The following ENTPD1 variants were observed in gnomAD, a reference collection of about 807,000 sequenced individuals.
ENTPD1 encodes the protein ATP diphosphohydrolase.
A neutral mutation model predicts 57.0 loss-of-function variants in ENTPD1; 33 were observed. That is an observed-to-expected ratio of 0.58 (90% CI 0.44 to 0.77). The LOEUF (loss-of-function observed/expected upper bound fraction) is 0.77, where lower values mean the gene tolerates loss of function less well. Ranked by LOEUF, ENTPD1 falls within the 30% of genes least tolerant of loss-of-function variation. The pLI is 0.00. For missense variants in ENTPD1, 501 were observed against 603.4 expected, an observed-to-expected ratio of 0.83 and a Z score of 1.78; for synonymous variants, 202 against 218.8, an observed-to-expected ratio of 0.92 and a Z score of 0.68.
chr10:95,754,560 A>G (rs978400673), upstream of ENTPD1: 1 of 152,186 alleles, frequency 6.6e-6, no homozygotes, highest in African/African-American at 2.4e-5. Context: ...ATTTCTCTCC[A>G]AAACAATAGT....
intron 1 of ENTPD1, among the ~76,000 whole-genome samples, chr10:95,712,634 C>T (rs1365268359): frequency 3.3e-5 from 5 of 152,112 alleles, no homozygotes; most frequent in Non-Finnish European, 7.4e-5. Context: ...AAATTCTAAT[C>T]CCAGGAGGGC....
chr10:95,706,391 A>G, the ENTPD1 span, among the ~76,000 whole-genome samples: 2 of 152,182 alleles, frequency 1.3e-5, no homozygotes, highest in Non-Finnish European at 2.9e-5. Context: ...GTGTTAGAAC[A>G]GCTCAGAGGA....
chr10:95,866,764 C>T lies in ENTPD1; in HGVS notation c.*381C>T. The T allele has an allele frequency of 8.8e-7, 1 of 1,131,080 alleles. No individual in the cohort carries two copies. Among genetic ancestry groups the T allele is most frequent in the Non-Finnish European group, 1.1e-6 (1 of 915,406 alleles). The allele number at this position is 1,131,080 out of a possible 1,614,324, so 70.1% of individuals were successfully genotyped here. A position where few individuals can be genotyped will look rare whatever the true frequency, so the allele number is the denominator to read the frequency against. ...AGGCTGAGCTGGCTGAAAGAAGAAT[C>T]TCAGGAACTGGTTCAGTTGTACTCT... is the stretch of plus-strand genomic sequence containing the variant. On this transcript the variant is annotated 3_prime_UTR_variant, in exon 10 of 10. Coordinates refer to ENST00000371205, the MANE Select transcript of ENTPD1 (RefSeq NM_001776.6).
intron 7 of ENTPD1, among the ~76,000 whole-genome samples, chr10:95,855,261 C>T (rs1361223525): frequency 6.6e-6 from 1 of 151,762 alleles, no homozygotes; most frequent in Non-Finnish European, 1.5e-5. Context: ...GATTGCAACC[C>T]CTGCCTTTTT....
At chr10:95,798,520 G>A (rs758783507) in intron 1 of ENTPD1, among the ~76,000 whole-genome samples, 1 of 152,084 alleles carries the variant, frequency 6.6e-6, no homozygotes, top group Non-Finnish European at 1.5e-5. Flanking sequence ...GTGGAGGGTA[G>A]GCCTAATATT....
In ENTPD1 at chr10:95,812,557, A is replaced by G. The variant is rs530995866; in HGVS notation, c.17-10680A>G. ...AAAGCAGTTGGAAATATCTAGGTAC[A>G]TGTCTTTGTGTGGACATAGGTCTTT... On this transcript the variant is annotated intron_variant, in intron 1 of 9. Coordinates refer to ENST00000371205, the MANE Select transcript of ENTPD1 (RefSeq NM_001776.6). Among the ~76,000 whole-genome samples the G allele has an allele frequency of 3.3e-5, 5 of 152,358 alleles. No homozygotes were observed. The East Asian group carries it at 9.6e-4, about 29-fold the overall frequency.
chr10:95,753,278 T>C (rs2098015042), upstream of ENTPD1: 1 of 152,242 alleles, frequency 6.6e-6, no homozygotes, highest in Admixed American at 6.5e-5. Flanking sequence ...CTCCCATCTC[T>C]TTTATAATTA....
chr10:95,785,491 A>C (rs2098175842), intron 1 of ENTPD1, among the ~76,000 whole-genome samples: 2 of 152,200 alleles, frequency 1.3e-5, no homozygotes, highest in South Asian at 4.1e-4. Flanking sequence ...TGTTGGAACA[A>C]TCTGTTGTGG....
At position 95,873,482 on chromosome 10, in the gene ENTPD1, A is replaced by G. The variant is rs1036260160; in HGVS notation, c.*7099A>G. 7 of 985,376 alleles carry G rather than the reference A, an allele frequency of 7.1e-6. No homozygotes were observed. The African/African-American group carries it at 1.0e-4, about 15-fold the overall frequency. The allele number at this position is 985,376 out of a possible 1,614,324, so 61.0% of individuals were successfully genotyped here. A position where few individuals can be genotyped will look rare whatever the true frequency, so the allele number is the denominator to read the frequency against. On this transcript the variant is annotated 3_prime_UTR_variant, in exon 10 of 10. Coordinates refer to ENST00000371205, the MANE Select transcript of ENTPD1 (RefSeq NM_001776.6). Reference sequence around the variant, plus strand: ...TTCCAGCTCTCTTGCCCTGGTCTTCAGTGTATTAGATGTATTACCTCCATG... The same window carrying G: ...TTCCAGCTCTCTTGCCCTGGTCTTCGGTGTATTAGATGTATTACCTCCATG...
At chr10:95,763,078 GTATT>G (rs1053457898) in intron 1 of ENTPD1, among the ~76,000 whole-genome samples, 82 of 151,798 alleles carry the variant, frequency 5.4e-4, no homozygotes, top group African/African-American at 1.9e-3. Context: ...TAGTTTTTCT[GTATT>G]TATTTATTTA....
intron 1 of ENTPD1, among the ~76,000 whole-genome samples, chr10:95,739,692 G>C (rs2097998269): frequency 6.6e-6 from 1 of 152,106 alleles, no homozygotes; most frequent in African/African-American, 2.4e-5. Flanking sequence ...CCAAATTCCT[G>C]TTAATGTTGA....
intron 7 of ENTPD1, among the ~76,000 whole-genome samples, chr10:95,856,465 C>T (rs1039076114): frequency 6.6e-6 from 1 of 152,080 alleles, no homozygotes; most frequent in Admixed American, 6.6e-5. Flanking sequence ...AGTAGAACTA[C>T]TGTTTGATCC....
At chr10:95,781,355 G>C (rs2098157152) in intron 1 of ENTPD1, among the ~76,000 whole-genome samples, 1 of 151,688 alleles carries the variant, frequency 6.6e-6, no homozygotes, top group Admixed American at 6.6e-5. Context: ...AGCGCAACAG[G>C]GTGCTATCAA....
intron 1 of ENTPD1, among the ~76,000 whole-genome samples, chr10:95,759,584 G>A: frequency 6.6e-6 from 1 of 152,186 alleles, no homozygotes; most frequent in East Asian, 1.9e-4. Context: ...GTACGCTATG[G>A]TTTTTTCCAG....
Position 95,842,350 on chromosome 10 carries a change from G to A in ENTPD1, c.269G>A (p.Gly90Glu), listed in dbSNP as rs1474947641. ...CTTCTACATTTTTTCCTAGGTCCTG[G>A]AATCTCAAAATTTGTTCAGAAAGTA... is the stretch of plus-strand genomic sequence containing the variant. ...QVEECRVKGP[G>E]ISKFVQKVNE... The change falls in exon 4 of 10, where the codon GGA becomes GAA. Residue 90 changes from glycine to glutamate, a missense_variant. Physicochemically the swap from Gly to Glu is moderately conservative, Grantham distance 98. Transcript: ENST00000371205. The A allele has an allele frequency of 4.3e-6, 7 of 1,613,188 alleles. No homozygotes were observed. The highest frequency in any genetic ancestry group is 2.7e-5 in the African/African-American group (2 of 74,746).
intron 1 of ENTPD1, among the ~76,000 whole-genome samples, chr10:95,750,169 C>T (rs568269542): frequency 5.3e-5 from 8 of 152,244 alleles, no homozygotes; most frequent in South Asian, 2.1e-4. Flanking sequence ...CATGATAACA[C>T]GAGTGGCATC....
chr10:95,740,284 C>T (rs1000901386), intron 1 of ENTPD1, among the ~76,000 whole-genome samples: 36 of 152,196 alleles, frequency 2.4e-4, no homozygotes, highest in African/African-American at 2.4e-5. Flanking sequence ...TGCCACCAAG[C>T]CCTCCTAATT....
upstream of ENTPD1, among the ~76,000 whole-genome samples, chr10:95,710,480 T>A (rs1339039630): frequency 6.6e-6 from 1 of 151,878 alleles, no homozygotes; most frequent in Non-Finnish European, 1.5e-5. Flanking sequence ...CAAGCATTTA[T>A]CTAAGTAAGT....
In ENTPD1 at chr10:95,791,496, G is replaced by A. The variant is rs1191090896; in HGVS notation, c.17-31741G>A. 1.3e-5 allele frequency among the ~76,000 whole-genome samples: 2 copies of A among 152,190 alleles called. No homozygotes were observed. Among genetic ancestry groups the A allele is most frequent in the Admixed American group, 1.3e-4 (2 of 15,274 alleles). On this transcript the variant is annotated intron_variant, in intron 1 of 9. Coordinates refer to ENST00000371205, the MANE Select transcript of ENTPD1 (RefSeq NM_001776.6). The surrounding 1 kb of genome is among the most constrained non-coding windows in gnomAD (Gnocchi z 4.1). ...AATTTGCTTTGTAGCTTCGAGCTGG[G>A]ATCAGAGAGTGGAAGTTAGAATGAA... is the stretch of plus-strand genomic sequence containing the variant.
Sources: gnomAD v4.1 joint callset for allele counts (sites outside exome capture counted in the v4.1 genomes callset) on GRCh38, gnomAD v4.1.1 for gene constraint, Gnocchi (gnomAD v3.1) non-coding constraint, MANE v1.5 for transcripts, NCBI Gene and HGNC (gene_info 2026-07-23, HGNC 2026-07-21) for gene names.